CRYBG1: variants seen among roughly 807,000 people sequenced by gnomAD.
CRYBG1 encodes beta/gamma crystallin domain-containing protein 1.
CRYBG1 carries 139 observed loss-of-function variants against 189.2 expected under a neutral mutation model. The ratio of observed to expected loss-of-function variants is 0.73; its 90% confidence interval spans 0.64 to 0.85. The LOEUF is 0.85. Among genes scored for constraint, CRYBG1 ranks in the 40% least tolerant of loss-of-function variants. CRYBG1 has a pLI of 0.00. For missense variants in CRYBG1, 2,611 were observed against 2,675.8 expected, an observed-to-expected ratio of 0.98 and a Z score of 0.53; for synonymous variants, 1,023 against 1,017.1, an observed-to-expected ratio of 1.01 and a Z score of -0.11.
chr6:106,520,094 C>G lies in CRYBG1; in HGVS notation c.2886C>G (p.Leu962=), dbSNP rs150035284. 13 of 1,614,020 alleles carry G rather than the reference C, an allele frequency of 8.1e-6. No homozygotes were observed. The Admixed American group carries it at 2.0e-4, about 25-fold the overall frequency. Residue 962 remains leucine, a synonymous_variant, in exon 4 of 22, where the codon CTC becomes CTG. Coordinates refer to ENST00000633556, the MANE Select transcript of CRYBG1 (RefSeq NM_001371242.2). ...TCGTCCAGGTCAGGTCCTTCGTGCT[C>G]CCCGTGGAGAGCACCCAGGATGTGA... ...RVLVQVRSFV[L]PVESTQDVSS...
At chr6:106,553,985 G>A (rs1297952125) in intron 16 of CRYBG1, among the ~76,000 whole-genome samples, 1 of 152,174 alleles carries the variant, frequency 6.6e-6, no homozygotes. Context: ...CCGGCTTGCT[G>A]GGAGGGCTTT....
chr6:106,527,556 T>A, intron 7 of CRYBG1, 86 bp downstream of exon 7: 1 of 1,403,080 alleles, frequency 7.1e-7, no homozygotes, highest in South Asian at 1.4e-5. Context: ...TTACGAAATA[T>A]GTGATTGGGA....
chr6:106,375,385 T>TAAG (rs1770132220), intron 1 of CRYBG1, among the ~76,000 whole-genome samples: 1 of 144,982 alleles, frequency 6.9e-6, no homozygotes, highest in Admixed American at 7.1e-5. Flanking sequence ...GGCCCTGTCT[T>TAAG]TAAGTAAGTA....
At chr6:106,433,914 A>T (rs1771401842) in intron 1 of CRYBG1, among the ~76,000 whole-genome samples, 2 of 151,796 alleles carry the variant, frequency 1.3e-5, no homozygotes, top group African/African-American at 4.8e-5. Context: ...AACAACAAAC[A>T]TTTATTATCT....
At chr6:106,473,586 C>T (rs992079954) in intron 2 of CRYBG1, among the ~76,000 whole-genome samples, 1 of 152,098 alleles carries the variant, frequency 6.6e-6, no homozygotes, top group Admixed American at 6.5e-5. Flanking sequence ...AACAGGGGGG[C>T]AAAAGACATT....
intron 1 of CRYBG1, among the ~76,000 whole-genome samples, chr6:106,434,120 G>A (rs1040684147): frequency 5.3e-5 from 8 of 151,118 alleles, no homozygotes; most frequent in African/African-American, 1.7e-4. Context: ...GCTATTGGCT[G>A]GAGGCCCAGA....
At chr6:106,553,871 G>T (rs2126395) in intron 16 of CRYBG1, among the ~76,000 whole-genome samples, 92,465 of 151,950 alleles carry the variant, frequency 0.61, 30,397 homozygotes, top group Non-Finnish European at 0.73. Flanking sequence ...ACCTCCCAAG[G>T]TGGATTGTTC....
intron 1 of CRYBG1, among the ~76,000 whole-genome samples, chr6:106,419,848 C>T (rs2114386354): frequency 6.6e-6 from 1 of 152,314 alleles, no homozygotes; most frequent in South Asian, 2.1e-4. Flanking sequence ...ACAAATATAA[C>T]TCTTTTGAAG....
intron 4 of CRYBG1, among the ~76,000 whole-genome samples, chr6:106,522,599 G>A (rs969479967): frequency 6.6e-6 from 1 of 152,200 alleles, no homozygotes; most frequent in Non-Finnish European, 1.5e-5. Flanking sequence ...TATGTTTAGT[G>A]ATCAGCTCTG....
At chr6:106,526,960 G>A (rs900493008) in intron 6 of CRYBG1, among the ~76,000 whole-genome samples, 82 of 109,042 alleles carry the variant, frequency 7.5e-4, no homozygotes, top group East Asian at 1.4e-3. Flanking sequence ...AAAAAAAAAA[G>A]AGACAAAAAA....
chr6:106,544,636 G>A lies in CRYBG1; in HGVS notation c.5105G>A (p.Arg1702Lys). The A allele has an allele frequency of 6.2e-7, 1 of 1,614,086 alleles. No individual in the cohort carries two copies. Among genetic ancestry groups the A allele is most frequent in the South Asian group, 1.1e-5 (1 of 91,076 alleles). ...HQYLLEEGEY[R>K]DWKAWGGYNG... is the part of the protein sequence containing the mutation. ...TATTTGCTAGAAGAAGGAGAATACA[G>A]GGACTGGAAAGCCTGGGGAGGTTAC... The change falls in exon 12 of 22, where the codon AGG becomes AAG. Residue 1702 changes from arginine (R) to lysine (K), a missense_variant. Arg to Lys is a conservative substitution (Grantham distance 26, BLOSUM62 2). Around this residue, in one of 3 missense-constraint regions of CRYBG1, gnomAD observed 1,622 missense variants for 1,735.0 expected, o/e 0.93. Transcript: ENST00000633556.
chr6:106,404,363 T>C (rs563946951), intron 1 of CRYBG1, among the ~76,000 whole-genome samples: 21 of 152,370 alleles, frequency 1.4e-4, no homozygotes, highest in Non-Finnish European at 5.9e-5. Context: ...TAAACATTTC[T>C]GTGCTGGAAT....
At position 106,570,963 on chromosome 6, in the gene CRYBG1, C is replaced by T. The variant is rs1015266345; in HGVS notation, c.*2397C>T. The T allele has an allele frequency of 2.6e-5, 4 of 152,024 alleles. No homozygotes were observed. The highest frequency in any genetic ancestry group is 5.9e-5 in the Non-Finnish European group (4 of 68,006). The allele number at this position is 152,024 out of a possible 1,614,324, so 9.4% of individuals were successfully genotyped here. A position where few individuals can be genotyped will look rare whatever the true frequency, so the allele number is the denominator to read the frequency against. On this transcript the variant is annotated 3_prime_UTR_variant, in exon 22 of 22. Coordinates refer to ENST00000633556, the MANE Select transcript of CRYBG1 (RefSeq NM_001371242.2). ...TATATTAGGAAGTAAAAACACTTACCGTAAATGAATATTCGAAGTGCACAC... is the reference window on the plus strand; with the variant it reads ...TATATTAGGAAGTAAAAACACTTACTGTAAATGAATATTCGAAGTGCACAC...
chr6:106,568,466 T>C lies in CRYBG1; in HGVS notation c.6302-6T>C, dbSNP rs757803261. ...ATTCATCTTTTATTATTTTCCTTTC[T>C]TTTAGGGGGCACACAGTATGATCAA... On this transcript the variant is annotated splice_polypyrimidine_tract_variant and splice_region_variant and intron_variant, in intron 21 of 21. Coordinates refer to ENST00000633556, the MANE Select transcript of CRYBG1 (RefSeq NM_001371242.2). The C allele has an allele frequency of 1.9e-6, 3 of 1,609,330 alleles. No individual in the cohort carries two copies. The highest frequency in any genetic ancestry group is 2.6e-6 in the Non-Finnish European group (3 of 1,175,736).
At chr6:106,483,401 T>TATATATAAA in intron 2 of CRYBG1, among the ~76,000 whole-genome samples, 2 of 95,598 alleles carry the variant, frequency 2.1e-5, no homozygotes, top group South Asian at 3.4e-4. Context: ...GATATATATA[T>TATATATAAA]AAAACATTTT....
chr6:106,364,695 G>A (rs1374920352), intron 1 of CRYBG1, among the ~76,000 whole-genome samples: 1 of 152,238 alleles, frequency 6.6e-6, no homozygotes, highest in Non-Finnish European at 1.5e-5. Context: ...GCAGCCACTA[G>A]TGGCACTGTC....
intron 1 of CRYBG1, among the ~76,000 whole-genome samples, chr6:106,389,356 C>G (rs1160562117): frequency 6.6e-6 from 1 of 152,018 alleles, no homozygotes; most frequent in South Asian, 2.1e-4. Context: ...ATTGGGCACC[C>G]TTGATTTGGC....
intron 10 of CRYBG1, among the ~76,000 whole-genome samples, chr6:106,542,434 C>A (rs527635416): frequency 6.6e-6 from 1 of 151,222 alleles, no homozygotes; most frequent in Non-Finnish European, 1.5e-5. Context: ...AGGCATGTAC[C>A]ACTACACCCA....
At chr6:106,496,253 AC>A (rs1772849028) in intron 2 of CRYBG1, among the ~76,000 whole-genome samples, 1 of 152,204 alleles carries the variant, frequency 6.6e-6, no homozygotes, top group African/African-American at 2.4e-5. Flanking sequence ...GACCTATTAA[AC>A]TTTGCTTCAC....
Sources: gnomAD v4.1 joint callset for allele counts (sites outside exome capture counted in the v4.1 genomes callset) on GRCh38, gnomAD v4.1.1 for gene constraint, gnomAD v4.1.1 regional missense constraint, MANE v1.5 for transcripts, NCBI Gene and HGNC (gene_info 2026-07-23, HGNC 2026-07-21) for gene names.